Variants in IFT27 observed in about 807,000 individuals in gnomAD.
IFT27 encodes intraflagellar transport protein 27 homolog.
Under a neutral mutation model 23.9 loss-of-function variants are expected in IFT27, and 19 were observed. The observed-to-expected ratio is 0.79, with a 90% CI of 0.55 to 1.16. The LOEUF (loss-of-function observed/expected upper bound fraction) is 1.16. Ranked by LOEUF, IFT27 falls within the 50% of genes most tolerant of loss-of-function variation. IFT27 has a pLI of 0.00. For synonymous variants in IFT27, 91 were observed against 89.1 expected (o/e 1.02, Z -0.12); for missense variants, 206 against 228.7 (o/e 0.90, Z 0.64).
At chr22:36,764,139 G>A in intron 4 of IFT27, 103 bp from the exon 5 acceptor site, 1 of 791,604 alleles carries the variant, frequency 1.3e-6, no homozygotes, top group Admixed American at 1.9e-5. Context: ...GGGGAGCAGA[G>A]GGAAACAAGA....
chr22:36,761,121 A>C (rs130566), intron 6 of IFT27: 115,719 of 152,420 alleles, frequency 0.76, 44,365 homozygotes, highest in Middle Eastern at 0.91. Flanking sequence ...CCTCTTCAAG[A>C]GTAGTTCACA....
chr22:36,758,655 T>A, intron 6 of IFT27: 1 of 522,766 alleles, frequency 1.9e-6, no homozygotes, highest in Non-Finnish European at 3.5e-6. Context: ...AGCTGGGGCC[T>A]GAACCCATGT....
At chr22:36,768,472 G>T in intron 1 of IFT27, 1 of 198,220 alleles carries the variant, frequency 5.0e-6, no homozygotes, top group Non-Finnish European at 1.0e-5. Flanking sequence ...TCTTCCCAGG[G>T]GCCTCTCCAC....
At chr22:36,765,292 C>T (rs992103196) in intron 4 of IFT27, among the ~76,000 whole-genome samples, 4 of 152,082 alleles carry the variant, frequency 2.6e-5, no homozygotes, top group Non-Finnish European at 5.9e-5. Flanking sequence ...AACCAGGAGT[C>T]AGGGCCGGCT....
chr22:36,773,373 C>T lies in IFT27; in HGVS notation c.34+2301G>A, dbSNP rs138580636. On this transcript the variant is annotated intron_variant, in intron 1 of 6. Transcript: ENST00000433985. ...AAATTACGCCTCAAAAAAAAAGGTCCGGGCACAGTGACTCACGCCTGTAAT... is the reference window on the plus strand; with the variant it reads ...AAATTACGCCTCAAAAAAAAAGGTCTGGGCACAGTGACTCACGCCTGTAAT... Among the ~76,000 whole-genome samples the T allele has an allele frequency of 3.5e-3, 529 of 151,058 alleles. 5 individuals carry two copies. Among genetic ancestry groups the T allele is most frequent in the African/African-American group, 0.012 (508 of 41,120 alleles).
rs73884175 is a variant in IFT27 at position 36,770,274 on chromosome 22, G to C, written c.35-2412C>G. Among the ~76,000 whole-genome samples, 1,466 of 152,262 alleles carry C rather than the reference G, an allele frequency of 9.6e-3. 30 individuals are homozygous for C. Among genetic ancestry groups the C allele is most frequent in the African/African-American group, 0.033 (1,387 of 41,544 alleles). ...ATCCTCCTTGACTTCTCTGAAGGAT[G>C]TGAGTCAGCCTGAAGTGACCCCTTC... On this transcript the variant is annotated intron_variant, in intron 1 of 6. Transcript: ENST00000433985.
At chr22:36,763,316 T>C in intron 5 of IFT27, 1 of 302,046 alleles carries the variant, frequency 3.3e-6, no homozygotes, top group Non-Finnish European at 6.1e-6. Flanking sequence ...GAGGGCCAAA[T>C]TTATGTGAGC....
intron 6 of IFT27, chr22:36,761,232 T>G (rs540558764): frequency 6.6e-6 from 1 of 152,216 alleles, no homozygotes; most frequent in East Asian, 1.9e-4. Flanking sequence ...AATTTCTGAG[T>G]TCTATCAAGC....
At chr22:36,770,175 C>T (rs1020001378) in intron 1 of IFT27, among the ~76,000 whole-genome samples, 3 of 152,180 alleles carry the variant, frequency 2.0e-5, no homozygotes, top group Admixed American at 6.5e-5. Context: ...GAGAGGATGA[C>T]GTCTGCAAGG....
At position 36,758,268 on chromosome 22, in the gene IFT27, A is replaced by C. The variant is rs1257647472; in HGVS notation, c.*43T>G. On this transcript the variant is annotated 3_prime_UTR_variant, in exon 7 of 7. Transcript: ENST00000433985. ...ATTATATATTAAAAGAGCAGAGGTA[A>C]TTCTGTCTTCTCCGGTTGTGCAGCA... The C allele has an allele frequency of 1.4e-6, 2 of 1,418,504 alleles. No homozygotes were observed. The highest frequency in any genetic ancestry group is 2.0e-6 in the Non-Finnish European group (2 of 1,002,272). The allele number at this position is 1,418,504 out of a possible 1,614,324, so 87.9% of individuals were successfully genotyped here.
intron 6 of IFT27, chr22:36,760,911 G>A (rs1256518039): frequency 6.0e-6 from 1 of 167,126 alleles, no homozygotes; most frequent in African/African-American, 2.4e-5. Flanking sequence ...TGGGTAGGCA[G>A]GATGGTCACT....
At chr22:36,765,276 C>T (rs5995341) in intron 4 of IFT27, among the ~76,000 whole-genome samples, 8,997 of 152,142 alleles carry the variant, frequency 0.059, 312 homozygotes, top group South Asian at 0.094. Flanking sequence ...AAAGCCAGAG[C>T]GGGTGAACCA....
chr22:36,775,835 G>C lies in IFT27; in HGVS notation c.-128C>G, dbSNP rs563140347. ...GGGGAGGGGAGGGCTGATCTCAAGGGTCAGTGGCCGCGACGGGACTGGGGA... is the reference window on the plus strand; with the variant it reads ...GGGGAGGGGAGGGCTGATCTCAAGGCTCAGTGGCCGCGACGGGACTGGGGA... On this transcript the variant is annotated 5_prime_UTR_variant, in exon 1 of 7. Coordinates refer to ENST00000433985, the MANE Select transcript of IFT27 (RefSeq NM_001177701.3). 1.7e-5 allele frequency: 14 copies of C among 834,332 alleles called. No individual in the cohort carries two copies. In the Admixed American group the frequency reaches 2.7e-4, roughly 16 times the overall value. The allele number at this position is 834,332 out of a possible 1,614,324, so 51.7% of individuals were successfully genotyped here. A position where few individuals can be genotyped will look rare whatever the true frequency, so the allele number is the denominator to read the frequency against.
At chr22:36,763,150 C>A (rs909113128) in intron 5 of IFT27, 137 bp from the exon 6 acceptor site, 4 of 540,704 alleles carry the variant, frequency 7.4e-6, no homozygotes, top group Non-Finnish European at 1.3e-5. Context: ...TGAGCCCCCC[C>A]ACAGGGAAAG....
In IFT27 at chr22:36,758,317, C is replaced by T. The variant is rs1211171892; in HGVS notation, c.555G>A (p.Leu185=). 6.2e-7 allele frequency: 1 copy of T among 1,613,696 alleles called. No individual in the cohort carries two copies. Among genetic ancestry groups the T allele is most frequent in the South Asian group, 1.1e-5 (1 of 91,080 alleles). Residue 185 remains leucine, a synonymous_variant, in exon 7 of 7, where the codon CTG becomes CTA. Transcript: ENST00000433985. The part of the protein sequence containing the change: ...YREKVEVFRA[L]A ...CACGATCTGCTCCAGCTCGTCATGC[C>T]AGGGCCCGGAAAACCTCCACCTTCT...
rs569180882 is a variant in IFT27 at position 36,771,531 on chromosome 22, C to T, written c.35-3669G>A. ...CTCTGTGGCATGTGCTGGGGTCACG[C>T]GGCAGGTGACTGAACTCCTGAGGTG... On this transcript the variant is annotated intron_variant, in intron 1 of 6. Coordinates refer to ENST00000433985, the MANE Select transcript of IFT27 (RefSeq NM_001177701.3). 4.6e-5 allele frequency among the ~76,000 whole-genome samples: 7 copies of T among 152,184 alleles called. No homozygotes were observed. In the East Asian group the frequency reaches 5.8e-4, roughly 13 times the overall value.
chr22:36,762,629 T>A (rs1938119832), intron 6 of IFT27: 1 of 302,440 alleles, frequency 3.3e-6, no homozygotes, highest in Non-Finnish European at 6.1e-6. Flanking sequence ...CATGCAAACG[T>A]CGAGGGTCAT....
At position 36,763,928 on chromosome 22, in the gene IFT27, A is replaced by G. The variant is rs768996055; in HGVS notation, c.343T>C (p.Ser115Pro). Reference sequence around the variant, plus strand: ...TGTCTGCAGCCCGTACCTGGGAGAGAGATGCCTGGAGCCTGTGACCGAGCC... The same window carrying G: ...TGTCTGCAGCCCGTACCTGGGAGAGGGATGCCTGGAGCCTGTGACCGAGCC... ...EKARSQAPGISLPGVLVGNKT... is the reference protein window; with the variant it reads ...EKARSQAPGIPLPGVLVGNKT... Residue 115 changes from serine to proline, a missense_variant, in exon 5 of 7, where the codon TCT becomes CCT. Physicochemically the swap from Ser to Pro is moderately conservative, Grantham distance 74. Transcript: ENST00000433985. 6.2e-7 allele frequency: 1 copy of G among 1,610,752 alleles called. No homozygotes were observed. The highest frequency in any genetic ancestry group is 8.5e-7 in the Non-Finnish European group (1 of 1,176,874).
intron 4 of IFT27, among the ~76,000 whole-genome samples, chr22:36,765,763 C>T (rs1485710218): frequency 6.6e-6 from 1 of 152,202 alleles, no homozygotes; most frequent in African/African-American, 2.4e-5. Flanking sequence ...AGGCTGAGGC[C>T]TCTACAGCAC....
Sources: allele counts gnomAD v4.1 joint callset (sites outside exome capture counted in the v4.1 genomes callset), GRCh38; gene constraint gnomAD v4.1.1; transcripts MANE v1.5; gene names NCBI Gene and HGNC (gene_info 2026-07-23, HGNC 2026-07-21).